Variants in EBF2 observed in about 807,000 individuals in gnomAD.
EBF2 encodes EBF transcription factor 2.
In EBF2, 21 loss-of-function variants were observed where a neutral mutation model predicts 72.8. That is an observed-to-expected ratio of 0.29 (90% CI 0.20 to 0.42). EBF2 has a LOEUF of 0.42. Among genes scored for constraint, EBF2 ranks in the 10% least tolerant of loss-of-function variants. The probability of loss-of-function intolerance (pLI) is 1.00; values close to 1 mark genes in which losing one functional copy is unlikely to be tolerated. For synonymous variants in EBF2, 299 were observed against 274.2 expected, an observed-to-expected ratio of 1.09 and a Z score of -0.89; for missense variants, 637 against 731.2, an observed-to-expected ratio of 0.87 and a Z score of 1.49.
intron 7 of EBF2, among the ~76,000 whole-genome samples, chr8:25,901,996 C>T (rs574915535): frequency 6.6e-6 from 1 of 152,304 alleles, no homozygotes; most frequent in East Asian, 1.9e-4. Flanking sequence ...GCCTGGCACA[C>T]AGAATTTCAT....
intron 6 of EBF2, among the ~76,000 whole-genome samples, chr8:25,984,621 G>T (rs1418591040): frequency 6.6e-6 from 1 of 151,944 alleles, no homozygotes; most frequent in Non-Finnish European, 1.5e-5. Flanking sequence ...GGCGGAGGTT[G>T]CAATGAGCCG....
Position 26,040,956 on chromosome 8 carries a change from T to A in EBF2, c.335A>T (p.Gln112Leu). The change falls in exon 3 of 16, where the codon CAG becomes CTG. Residue 112 changes from glutamine (Q) to leucine (L), a missense_variant. Transcript: ENST00000520164. ...GAGCTCACCGTTGCTGTAGAGGAGCTGTAACTTGTAGTGAGTGCCGTTGTT... is the reference window on the plus strand; with the variant it reads ...GAGCTCACCGTTGCTGTAGAGGAGCAGTAACTTGTAGTGAGTGCCGTTGTT... Reference protein sequence around the residue: ...KTNNGTHYKLQLLYSNGVRTE... With the variant: ...KTNNGTHYKLLLLYSNGVRTE... 1 of 1,614,226 alleles carries A rather than the reference T, an allele frequency of 6.2e-7. No homozygotes were observed. The highest frequency in any genetic ancestry group is 8.5e-7 in the Non-Finnish European group (1 of 1,180,044).
chr8:25,907,311 T>G (rs1223725870), intron 7 of EBF2, among the ~76,000 whole-genome samples: 1 of 147,780 alleles, frequency 6.8e-6, no homozygotes, highest in Admixed American at 6.9e-5. Flanking sequence ...TCCTAGCTAC[T>G]CAGGAGGGTG....
chr8:26,013,809 G>T (rs1457583326), intron 6 of EBF2, among the ~76,000 whole-genome samples: 2 of 152,084 alleles, frequency 1.3e-5, no homozygotes, highest in South Asian at 2.1e-4. Context: ...TCTCCCTGAG[G>T]AATCTGGCAT....
rs550422527 is a variant in EBF2 at position 26,029,863 on chromosome 8, G to A, written c.551+3222C>T. Among the ~76,000 whole-genome samples, 20 of 152,304 alleles carry A rather than the reference G, an allele frequency of 1.3e-4. 2 individuals carry two copies. The South Asian group carries it at 2.5e-3, about 19-fold the overall frequency. On this transcript the variant is annotated intron_variant, in intron 6 of 15. Coordinates refer to ENST00000520164, the MANE Select transcript of EBF2 (RefSeq NM_022659.4). ...AGGCTGATCCAAACCCCTGGATACC[G>A]TAAGCACCATTCCCACCTTCAACAA...
intron 6 of EBF2, among the ~76,000 whole-genome samples, chr8:25,961,710 G>A (rs762331931): frequency 2.0e-5 from 3 of 152,142 alleles, no homozygotes; most frequent in Admixed American, 6.5e-5. Flanking sequence ...ACTTGGAGAT[G>A]ACTCCTCATA....
At chr8:25,911,328 G>T (rs759147851) in intron 6 of EBF2, among the ~76,000 whole-genome samples, 1 of 152,108 alleles carries the variant, frequency 6.6e-6, no homozygotes, top group African/African-American at 2.4e-5. Context: ...TCATAACCAC[G>T]GTGCATGCTA....
chr8:25,882,360 T>G (rs1445812591), intron 10 of EBF2, among the ~76,000 whole-genome samples: 1 of 152,120 alleles, frequency 6.6e-6, no homozygotes, highest in Non-Finnish European at 1.5e-5. Context: ...TAAACCACTT[T>G]TTGACTAATA....
chr8:25,917,503 T>C (rs578034096), intron 6 of EBF2, among the ~76,000 whole-genome samples: 4 of 152,194 alleles, frequency 2.6e-5, no homozygotes, highest in Non-Finnish European at 5.9e-5. Context: ...AAACAACCCA[T>C]GTCCTCTTCT....
At chr8:25,952,011 G>T (rs1331279580) in intron 6 of EBF2, among the ~76,000 whole-genome samples, 2 of 152,164 alleles carry the variant, frequency 1.3e-5, no homozygotes, top group Non-Finnish European at 2.9e-5. Flanking sequence ...TTACACAAAA[G>T]ACCAGGTACA....
chr8:25,844,811 C>T (rs1801799626), intron 15 of EBF2, among the ~76,000 whole-genome samples, 171 bp from the exon 16 acceptor site: 1 of 152,060 alleles, frequency 6.6e-6, no homozygotes, highest in Middle Eastern at 3.2e-3. Flanking sequence ...AGCAGACAGC[C>T]CATTAAAGGC....
At chr8:25,956,084 G>A (rs999792449) in intron 6 of EBF2, among the ~76,000 whole-genome samples, 2 of 151,462 alleles carry the variant, frequency 1.3e-5, no homozygotes, top group South Asian at 2.1e-4. Flanking sequence ...AGGTGTGTAG[G>A]TCTGCACAGG....
intron 6 of EBF2, among the ~76,000 whole-genome samples, chr8:26,002,550 A>G (rs1277203437): frequency 7.2e-6 from 1 of 139,224 alleles, no homozygotes; most frequent in Non-Finnish European, 1.6e-5. Flanking sequence ...TTTGTGTTCT[A>G]TCTCCCTACG....
At chr8:25,955,876 C>T (rs1361953970) in intron 6 of EBF2, among the ~76,000 whole-genome samples, 1 of 152,136 alleles carries the variant, frequency 6.6e-6, no homozygotes, top group Non-Finnish European at 1.5e-5. Context: ...TATAGCTTGT[C>T]CCCAAGGAAA....
At chr8:25,962,662 C>T (rs370426707) in intron 6 of EBF2, among the ~76,000 whole-genome samples, 44 of 152,150 alleles carry the variant, frequency 2.9e-4, no homozygotes, top group African/African-American at 9.4e-4. Context: ...ACAGTCCAAG[C>T]GAAGAATAAT....
intron 6 of EBF2, among the ~76,000 whole-genome samples, chr8:26,021,975 G>C (rs1805210065): frequency 6.6e-6 from 1 of 152,190 alleles, no homozygotes; most frequent in African/African-American, 2.4e-5. Context: ...TTGCATGTAA[G>C]AAACAGGCTC....
chr8:25,983,913 CAA>C (rs1419166571), intron 6 of EBF2, among the ~76,000 whole-genome samples: 1 of 152,222 alleles, frequency 6.6e-6, no homozygotes, highest in Non-Finnish European at 1.5e-5. Context: ...AAAGATACCC[CAA>C]AATAACTGTT....
At chr8:26,033,187 AT>A in intron 5 of EBF2, 34 bp from the exon 6 acceptor site, 3 of 1,603,206 alleles carry the variant, frequency 1.9e-6, no homozygotes, top group Non-Finnish European at 2.6e-6. Flanking sequence ...AGTGAAAGAA[AT>A]TTATTAAATC....
intron 7 of EBF2, among the ~76,000 whole-genome samples, chr8:25,892,540 C>T (rs1044984037): frequency 6.6e-6 from 1 of 152,194 alleles, no homozygotes; most frequent in African/African-American, 2.4e-5. Context: ...ATCCTACCCC[C>T]ACCACCAGCA....
Sources: allele counts gnomAD v4.1 joint callset (sites outside exome capture counted in the v4.1 genomes callset), GRCh38; gene constraint gnomAD v4.1.1; transcripts MANE v1.5; gene names NCBI Gene and HGNC (gene_info 2026-07-23, HGNC 2026-07-21).